The following TRHDE variants were observed in gnomAD, a reference collection of about 807,000 sequenced individuals.
TRHDE encodes the protein thyrotropin releasing hormone degrading enzyme.
A neutral mutation model predicts 125.7 loss-of-function variants in TRHDE; 72 were observed. The ratio of observed to expected loss-of-function variants is 0.57; its 90% confidence interval spans 0.47 to 0.70. TRHDE has a LOEUF of 0.70. TRHDE is among the 30% of genes least tolerant of loss of function. The pLI, the probability that TRHDE is intolerant of heterozygous loss-of-function variation, is 0.00. For missense variants in TRHDE, 1,110 were observed against 1,327.1 expected, an observed-to-expected ratio of 0.84 and a Z score of 2.54; for synonymous variants, 509 against 509.1, an observed-to-expected ratio of 1.00 and a Z score of 0.00.
At chr12:72,142,197 G>T (rs1876126790) in intron 2 of TRHDE, among the ~76,000 whole-genome samples, 1 of 152,146 alleles carries the variant, frequency 6.6e-6, no homozygotes, top group Non-Finnish European at 1.5e-5. Context: ...TAAAGGAAGA[G>T]TCATGGGAAA....
intron 6 of TRHDE, among the ~76,000 whole-genome samples, chr12:72,539,358 C>G (rs1869029752): frequency 6.6e-6 from 1 of 151,874 alleles, no homozygotes; most frequent in Non-Finnish European, 1.5e-5. Context: ...GAAGATCTCC[C>G]TCTCCAAAAG....
chr12:72,276,733 A>G (rs116025998), intron 1 of TRHDE, among the ~76,000 whole-genome samples: 2,638 of 152,316 alleles, frequency 0.017, 68 homozygotes, highest in African/African-American at 0.06. Flanking sequence ...ACTCTTGGTT[A>G]CTACAGTTGT....
intron 5 of TRHDE, among the ~76,000 whole-genome samples, chr12:72,477,515 G>A (rs910960342): frequency 1.3e-5 from 2 of 152,174 alleles, no homozygotes; most frequent in Admixed American, 6.5e-5. Context: ...TTCATAGCAT[G>A]AATAGTCTTT....
intron 3 of TRHDE, among the ~76,000 whole-genome samples, chr12:72,413,470 TA>T (rs1873599318): frequency 1.4e-5 from 1 of 72,834 alleles, no homozygotes; most frequent in Admixed American, 1.5e-4. Flanking sequence ...ATATGTAAAA[TA>T]AAATGATATT....
At chr12:72,335,702 A>C (rs1869801237) in intron 2 of TRHDE, among the ~76,000 whole-genome samples, 1 of 152,238 alleles carries the variant, frequency 6.6e-6, no homozygotes, top group Non-Finnish European at 1.5e-5. Flanking sequence ...ATTGAATGAA[A>C]CATTGAGTAA....
intron 12 of TRHDE, among the ~76,000 whole-genome samples, chr12:72,608,970 A>G (rs889708674): frequency 1.3e-5 from 2 of 152,240 alleles, no homozygotes; most frequent in African/African-American, 4.8e-5. Context: ...TAGAATGGGG[A>G]TGGTAATACT....
intron 10 of TRHDE, among the ~76,000 whole-genome samples, chr12:72,570,965 G>A (rs1372684204): frequency 7.5e-6 from 1 of 133,220 alleles, no homozygotes; most frequent in East Asian, 2.3e-4. Flanking sequence ...TTTGCAGATT[G>A]CCCATACGAA....
chr12:72,607,408 T>G (rs1053625894), intron 12 of TRHDE, among the ~76,000 whole-genome samples: 1 of 152,196 alleles, frequency 6.6e-6, no homozygotes, highest in African/African-American at 2.4e-5. Context: ...ATTCACTGGA[T>G]GTTGCAAAAT....
intron 4 of TRHDE, among the ~76,000 whole-genome samples, chr12:72,471,610 CT>C (rs1370549310): frequency 1.3e-5 from 2 of 152,150 alleles, no homozygotes; most frequent in Non-Finnish European, 2.9e-5. Flanking sequence ...TCTATGTTAC[CT>C]TTCCTGCCCA....
intron 2 of TRHDE, among the ~76,000 whole-genome samples, chr12:72,235,789 C>T (rs1445066494): frequency 1.2e-5 from 1 of 81,136 alleles, no homozygotes; most frequent in African/African-American, 5.5e-5. Context: ...GCCCAAATTA[C>T]ACTAGCGTAT....
upstream of TRHDE, among the ~76,000 whole-genome samples, chr12:72,268,996 A>G (rs1879131486): frequency 6.6e-6 from 1 of 152,124 alleles, no homozygotes; most frequent in Non-Finnish European, 1.5e-5. Flanking sequence ...ACATGGTCCC[A>G]GTATTGGTAA....
intron 2 of TRHDE, among the ~76,000 whole-genome samples, chr12:72,222,834 T>G (rs1159542372): frequency 6.6e-6 from 1 of 152,130 alleles, no homozygotes; most frequent in Admixed American, 6.6e-5. Context: ...AGCCTGCACC[T>G]CTACCATTTG....
intron 3 of TRHDE, among the ~76,000 whole-genome samples, chr12:72,426,875 T>C (rs560029014): frequency 2.6e-5 from 4 of 152,240 alleles, no homozygotes; most frequent in Admixed American, 1.3e-4. Flanking sequence ...TTTTCTCATA[T>C]TTTTATCATT....
chr12:72,102,528 G>C (rs1875092197), intron 1 of TRHDE, among the ~76,000 whole-genome samples: 1 of 152,080 alleles, frequency 6.6e-6, no homozygotes, highest in Admixed American at 6.5e-5. Flanking sequence ...CCCTAAATTT[G>C]GTTATTTATG....
At chr12:72,456,594 C>T (rs1875865668) in intron 3 of TRHDE, among the ~76,000 whole-genome samples, 1 of 151,934 alleles carries the variant, frequency 6.6e-6, no homozygotes, top group Non-Finnish European at 1.5e-5. Flanking sequence ...AACCCTCATG[C>T]TCTATTAACT....
chr12:72,493,758 C>G (rs1194532921), intron 5 of TRHDE, among the ~76,000 whole-genome samples: 1 of 152,002 alleles, frequency 6.6e-6, no homozygotes, highest in African/African-American at 2.4e-5. Flanking sequence ...ACCACACTAT[C>G]TCAAGTCTGT....
chr12:72,191,282 C>T (rs1877334416), intron 2 of TRHDE, among the ~76,000 whole-genome samples: 1 of 152,096 alleles, frequency 6.6e-6, no homozygotes, highest in African/African-American at 2.4e-5. Flanking sequence ...GATCCTACAG[C>T]CAGCTTCTTC....
At chr12:72,580,028 A>G (rs1484229828) in intron 12 of TRHDE, among the ~76,000 whole-genome samples, 1 of 152,140 alleles carries the variant, frequency 6.6e-6, no homozygotes, top group Non-Finnish European at 1.5e-5. Context: ...AGAATCTTAC[A>G]TATTTCCATT....
intron 3 of TRHDE, among the ~76,000 whole-genome samples, chr12:72,428,248 C>T (rs1201770192): frequency 6.6e-6 from 1 of 152,022 alleles, no homozygotes. Context: ...CATAATGACT[C>T]TTGATGACAA....
Sources: gnomAD v4.1 joint callset for allele counts (sites outside exome capture counted in the v4.1 genomes callset) on GRCh38, gnomAD v4.1.1 for gene constraint, MANE v1.5 for transcripts, NCBI Gene and HGNC (gene_info 2026-07-23, HGNC 2026-07-21) for gene names.